The following ADGRV1 variants were observed in gnomAD, a reference collection of about 807,000 sequenced individuals.
ADGRV1 encodes G-protein coupled receptor 98.
In ADGRV1, 359 loss-of-function variants were observed where a neutral mutation model predicts 596.2. The observed-to-expected ratio is 0.60, with a 90% CI of 0.55 to 0.66. The LOEUF is 0.66. Among genes scored for constraint, ADGRV1 ranks in the 30% least tolerant of loss-of-function variants. The pLI is 0.00. For synonymous variants in ADGRV1, 2,681 were observed against 2,679.2 expected, an observed-to-expected ratio of 1.00 and a Z score of -0.02; for missense variants, 7,274 against 7,575.6, an observed-to-expected ratio of 0.96 and a Z score of 1.48.
intron 85 of ADGRV1, among the ~76,000 whole-genome samples, chr5:91,016,089 G>GA (rs1446440037): frequency 1.3e-5 from 2 of 151,892 alleles, no homozygotes; most frequent in Non-Finnish European, 2.9e-5. Context: ...TTGCTTATTT[G>GA]AAAAAGATCT....
chr5:90,578,523 A>G (rs191548503), intron 1 of ADGRV1, among the ~76,000 whole-genome samples: 1 of 148,382 alleles, frequency 6.7e-6, no homozygotes, highest in African/African-American at 2.7e-5. Flanking sequence ...CCAGTATTTT[A>G]CTGAGGATTT....
intron 34 of ADGRV1, among the ~76,000 whole-genome samples, chr5:90,701,602 GTA>G (rs1426911301): frequency 6.6e-6 from 1 of 151,956 alleles, no homozygotes; most frequent in African/African-American, 2.4e-5. Context: ...ATGTGTTTGT[GTA>G]TATGTGTGTG....
At chr5:90,619,301 C>A in intron 4 of ADGRV1, 120 bp downstream of exon 4, 1 of 476,654 alleles carries the variant, frequency 2.1e-6, no homozygotes, top group Non-Finnish European at 3.6e-6. Context: ...ATAAAATTTG[C>A]TTTAACTTTG....
intron 82 of ADGRV1, among the ~76,000 whole-genome samples, chr5:90,862,356 T>TCACACA (rs5869527): frequency 1.3e-5 from 2 of 150,444 alleles, no homozygotes; most frequent in East Asian, 2.0e-4. Flanking sequence ...AGTATATTAC[T>TCACACA]CACACACACA....
chr5:91,005,132 T>G (rs1487698974), intron 85 of ADGRV1, among the ~76,000 whole-genome samples: 1 of 152,192 alleles, frequency 6.6e-6, no homozygotes, highest in African/African-American at 2.4e-5. Flanking sequence ...ATAGCTTCTT[T>G]ATGCTGGTTT....
chr5:90,725,241 A>G lies in ADGRV1; in HGVS notation c.10053+9A>G, dbSNP rs574636636. On this transcript the variant is annotated intron_variant, in intron 47 of 89. Transcript: ENST00000405460. ...GATTTAAATTATTCCTGGTAAAAAC[A>G]TTTTCATTTTTAAATAGATTACTTT... 2 of 1,348,920 alleles carry G rather than the reference A, an allele frequency of 1.5e-6. No homozygotes were observed. The highest frequency in any genetic ancestry group is 1.5e-5 in the South Asian group (1 of 67,926). The allele number at this position is 1,348,920 out of a possible 1,614,324, so 83.6% of individuals were successfully genotyped here.
chr5:90,899,839 C>T (rs898922595), intron 83 of ADGRV1, among the ~76,000 whole-genome samples: 4 of 152,162 alleles, frequency 2.6e-5, no homozygotes, highest in Admixed American at 1.3e-4. Flanking sequence ...ATAACGAGAG[C>T]AAGGTCTTCC....
At chr5:90,608,831 G>A (rs1185491018) in intron 1 of ADGRV1, among the ~76,000 whole-genome samples, 1 of 152,036 alleles carries the variant, frequency 6.6e-6, no homozygotes, top group Non-Finnish European at 1.5e-5. Context: ...CCCATCATGT[G>A]TAGAGGGCAA....
intron 68 of ADGRV1, among the ~76,000 whole-genome samples, 193 bp downstream of exon 68, chr5:90,788,503 TA>T (rs1487225282): frequency 2.0e-5 from 3 of 152,206 alleles, no homozygotes; most frequent in Non-Finnish European, 2.9e-5. Flanking sequence ...TTATTGGTAA[TA>T]TTTTTTTTAA....
At chr5:90,604,232 G>A (rs1761795714) in intron 1 of ADGRV1, among the ~76,000 whole-genome samples, 1 of 152,010 alleles carries the variant, frequency 6.6e-6, no homozygotes, top group Non-Finnish European at 1.5e-5. Context: ...TGTAATCACA[G>A]TTTGGACTAA....
chr5:90,791,426 T>C, intron 70 of ADGRV1, 80 bp downstream of exon 70: 1 of 1,042,682 alleles, frequency 9.6e-7, no homozygotes, highest in Non-Finnish European at 1.4e-6. Context: ...ATAATCAGTT[T>C]GAAATCTTAT....
chr5:91,130,376 A>G (rs536561370), intron 87 of ADGRV1, among the ~76,000 whole-genome samples: 1 of 152,006 alleles, frequency 6.6e-6, no homozygotes, highest in African/African-American at 2.4e-5. Context: ...TACTAAAAAT[A>G]TAAAAATTAG....
At chr5:90,795,685 C>T (rs1050383392) in intron 70 of ADGRV1, among the ~76,000 whole-genome samples, 7 of 152,194 alleles carry the variant, frequency 4.6e-5, no homozygotes, top group Admixed American at 4.6e-4. Flanking sequence ...ATCCCTGACC[C>T]CCGTGTATCC....
Position 90,657,996 on chromosome 5 carries a change from G to T in ADGRV1, c.4470G>T (p.Leu1490=). The T allele has an allele frequency of 6.2e-7, 1 of 1,613,948 alleles. No homozygotes were observed. Among genetic ancestry groups the T allele is most frequent in the South Asian group, 1.1e-5 (1 of 91,082 alleles). The change falls in exon 21 of 90, where the codon CTG becomes CTT. Residue 1490 remains leucine (L), a synonymous_variant. Transcript: ENST00000405460. ...ATGTGAGGTCCTATGAGCGGAAACTGACGCTTGAAGAAATTTATGAACTTC... is the reference window on the plus strand; with the variant it reads ...ATGTGAGGTCCTATGAGCGGAAACTTACGCTTGAAGAAATTTATGAACTTC... ...MQDVRSYERK[L]TLEEIYELHA...
intron 1 of ADGRV1, among the ~76,000 whole-genome samples, chr5:90,577,026 C>G (rs890879248): frequency 3.3e-5 from 5 of 152,046 alleles, no homozygotes; most frequent in African/African-American, 1.2e-4. Context: ...AGCCATTTGT[C>G]AGATGGGTAG....
Position 90,686,000 on chromosome 5 carries a change from G to A in ADGRV1, c.6490+5G>A, listed in dbSNP as rs1745576882. 1.3e-6 allele frequency: 2 copies of A among 1,556,850 alleles called. No homozygotes were observed. The highest frequency in any genetic ancestry group is 1.3e-5 in the African/African-American group (1 of 74,112). On this transcript the variant is annotated splice_donor_5th_base_variant and intron_variant, in intron 29 of 89. Coordinates refer to ENST00000405460, the MANE Select transcript of ADGRV1 (RefSeq NM_032119.4). ...TGCCAATAACTGCAATAGCTGGTAA[G>A]AAAAGACATCTAAAAAGCAGTACAT...
chr5:90,687,432 C>A (rs1458174170), intron 29 of ADGRV1, among the ~76,000 whole-genome samples: 1 of 152,056 alleles, frequency 6.6e-6, no homozygotes, highest in Non-Finnish European at 1.5e-5. Context: ...CTACATATGG[C>A]TAGTCAGTTT....
At chr5:90,802,694 T>C in intron 70 of ADGRV1, 45 bp from the exon 71 acceptor site, 1 of 1,573,236 alleles carries the variant, frequency 6.4e-7, no homozygotes. Flanking sequence ...AACAGCATTT[T>C]TCTCTGAAAA....
intron 83 of ADGRV1, among the ~76,000 whole-genome samples, chr5:90,889,831 G>A (rs1007725882): frequency 2.6e-5 from 4 of 152,140 alleles, no homozygotes; most frequent in East Asian, 3.9e-4. Flanking sequence ...TATCAAAAGT[G>A]TGTACTGACA....
Sources: allele counts gnomAD v4.1 joint callset (sites outside exome capture counted in the v4.1 genomes callset), GRCh38; gene constraint gnomAD v4.1.1; transcripts MANE v1.5; gene names NCBI Gene and HGNC (gene_info 2026-07-23, HGNC 2026-07-21).